The following SH3PXD2A variants were observed in gnomAD, a reference collection of about 807,000 sequenced individuals.
SH3PXD2A encodes SH3 and PX domain-containing protein 2A.
A neutral mutation model predicts 115.2 loss-of-function variants in SH3PXD2A; 32 were observed. The observed-to-expected ratio is 0.28, with a 90% confidence interval of 0.21 to 0.37. SH3PXD2A has a LOEUF of 0.37. Ranked by LOEUF, SH3PXD2A falls within the 10% of genes least tolerant of loss-of-function variation. The pLI is 1.00. For missense variants in SH3PXD2A, 1,328 were observed against 1,498.7 expected, an observed-to-expected ratio of 0.89 and a Z score of 1.88; for synonymous variants, 610 against 629.1, an observed-to-expected ratio of 0.97 and a Z score of 0.45.
chr10:103,687,772 G>T (rs565125576), intron 6 of SH3PXD2A, among the ~76,000 whole-genome samples: 61 of 152,288 alleles, frequency 4.0e-4, no homozygotes, highest in Non-Finnish European at 7.4e-4. Context: ...CCTACATGGT[G>T]CTGCTTCACC....
intron 1 of SH3PXD2A, among the ~76,000 whole-genome samples, chr10:103,828,259 A>G (rs2039450180): frequency 6.6e-6 from 1 of 152,178 alleles, no homozygotes; most frequent in African/African-American, 2.4e-5. Flanking sequence ...TGAAGGAACA[A>G]GAGTCCATTC....
chr10:103,632,297 A>G (rs1045323715), intron 8 of SH3PXD2A, among the ~76,000 whole-genome samples: 1 of 152,214 alleles, frequency 6.6e-6, no homozygotes, highest in Non-Finnish European at 1.5e-5. Context: ...TGGAAGCCCC[A>G]CGGGGCTCAC....
intron 5 of SH3PXD2A, among the ~76,000 whole-genome samples, chr10:103,721,481 A>G (rs963999240): frequency 1.2e-4 from 19 of 152,212 alleles, no homozygotes; most frequent in Admixed American, 3.9e-4. Flanking sequence ...CCATGAATGA[A>G]GTGAGGCCGA....
intron 1 of SH3PXD2A, among the ~76,000 whole-genome samples, chr10:103,845,424 T>G (rs1435637063): frequency 1.3e-5 from 2 of 150,958 alleles, no homozygotes; most frequent in Non-Finnish European, 2.9e-5. Flanking sequence ...AAAACCAAGA[T>G]GGCAACGAGA....
intron 13 of SH3PXD2A, chr10:103,609,388 C>G (rs1189761494): frequency 3.9e-5 from 6 of 152,198 alleles, no homozygotes; most frequent in African/African-American, 1.4e-4. Flanking sequence ...TTTGGCTGGT[C>G]ATCATGACAA....
At chr10:103,836,255 G>A (rs995563123) in intron 1 of SH3PXD2A, among the ~76,000 whole-genome samples, 2 of 152,010 alleles carry the variant, frequency 1.3e-5, no homozygotes, top group Non-Finnish European at 2.9e-5. Flanking sequence ...ATCATAGGGG[G>A]CTCTCAAGGA....
At chr10:103,616,618 C>T (rs1430329547) in intron 11 of SH3PXD2A, among the ~76,000 whole-genome samples, 1 of 152,238 alleles carries the variant, frequency 6.6e-6, no homozygotes, top group Non-Finnish European at 1.5e-5. Flanking sequence ...AAGAAGCCTC[C>T]GATGGCCTGA....
At position 103,690,280 on chromosome 10, in the gene SH3PXD2A, C is replaced by T. The variant is rs150538111; in HGVS notation, c.427+2748G>A. ...GCAGGCAGTGTTCTAAACATGCTTA[C>T]ATATATTAGTTTATCTAATCTTCGT... On this transcript the variant is annotated intron_variant, in intron 6 of 14. Coordinates refer to ENST00000369774, the MANE Select transcript of SH3PXD2A (RefSeq NM_001394015.1). 2.6e-5 allele frequency among the ~76,000 whole-genome samples: 4 copies of T among 152,310 alleles called. No individual in the cohort carries two copies. The East Asian group carries it at 7.7e-4, about 29-fold the overall frequency.
At chr10:103,693,107 CG>C in intron 5 of SH3PXD2A, 51 bp from the exon 6 acceptor site, 1 of 1,571,248 alleles carries the variant, frequency 6.4e-7, no homozygotes, top group East Asian at 2.3e-5. Flanking sequence ...GGCGCGAGCG[CG>C]GGGCTGCAGC....
intron 8 of SH3PXD2A, among the ~76,000 whole-genome samples, chr10:103,651,436 C>T (rs2037120744): frequency 6.6e-6 from 1 of 152,250 alleles, no homozygotes; most frequent in Admixed American, 6.5e-5. Context: ...CTGACCGCTG[C>T]TTTCCTGTGC....
In SH3PXD2A at chr10:103,620,558, T is replaced by C. The variant is rs1057262468; in HGVS notation, c.802+1912A>G. On this transcript the variant is annotated intron_variant, in intron 10 of 14. Transcript: ENST00000369774. The surrounding 1 kb of genome is among the most constrained non-coding windows in gnomAD (Gnocchi z 5.3). The stretch of plus-strand genomic sequence containing the variant: ...GTGGGGAAGCTCCGCTTTTCTCTTG[T>C]CTAGCTCCTCCACAACCTGCAGCCT... 4.6e-5 allele frequency among the ~76,000 whole-genome samples: 7 copies of C among 152,184 alleles called. No homozygotes were observed. Among genetic ancestry groups the C allele is most frequent in the African/African-American group, 1.7e-4 (7 of 41,448 alleles).
intron 5 of SH3PXD2A, among the ~76,000 whole-genome samples, chr10:103,715,775 G>A (rs973841594): frequency 6.6e-6 from 1 of 152,222 alleles, no homozygotes; most frequent in African/African-American, 2.4e-5. Flanking sequence ...ATTCGACTGG[G>A]ATTGGGGATG....
intron 2 of SH3PXD2A, among the ~76,000 whole-genome samples, chr10:103,791,667 C>T (rs185614618): frequency 2.1e-3 from 326 of 152,040 alleles, no homozygotes; most frequent in Admixed American, 4.5e-3. Flanking sequence ...ACCTTCCTTC[C>T]GTACCTCTCT....
At chr10:103,669,549 C>G (rs143838229) in intron 6 of SH3PXD2A, among the ~76,000 whole-genome samples, 3 of 152,260 alleles carry the variant, frequency 2.0e-5, no homozygotes, top group East Asian at 3.8e-4. Context: ...TTGATGCAGT[C>G]GAACTACAGT....
rs1290451671 is a variant in SH3PXD2A at position 103,617,238 on chromosome 10, C to CA, written c.878dup (p.Glu294GlyfsTer33). The CA allele has an allele frequency of 6.2e-7, 1 of 1,614,192 alleles. No individual in the cohort carries two copies. ...CTTCCAGATTCTTCCGGATCACCTC[C>CA]ACTGTGACGCCCTTCTCAAAGCCAA... On this transcript the variant is annotated frameshift_variant, in exon 11 of 15. Coordinates refer to ENST00000369774, the MANE Select transcript of SH3PXD2A (RefSeq NM_001394015.1). LOFTEE classifies it high-confidence loss of function.
rs2039355196 is a variant in SH3PXD2A at position 103,819,379 on chromosome 10, G to C, written c.73-18017C>G. ...TGAAGAGGTGAGGGTTGTGGTGGTG[G>C]AAGGGTACCCTAGGCAAAAGAAACA... On this transcript the variant is annotated intron_variant, in intron 1 of 14. Coordinates refer to ENST00000369774, the MANE Select transcript of SH3PXD2A (RefSeq NM_001394015.1). 3.3e-5 allele frequency among the ~76,000 whole-genome samples: 5 copies of C among 152,168 alleles called. No homozygotes were observed. In the South Asian group the frequency reaches 1.0e-3, roughly 31 times the overall value.
At chr10:103,717,995 G>A (rs1265640080) in intron 5 of SH3PXD2A, among the ~76,000 whole-genome samples, 6 of 138,822 alleles carry the variant, frequency 4.3e-5, no homozygotes, top group Admixed American at 3.8e-4. Context: ...CTCTTGGTGT[G>A]GCTTCCATGT....
At chr10:103,689,705 G>A (rs2037723130) in intron 6 of SH3PXD2A, among the ~76,000 whole-genome samples, 1 of 152,120 alleles carries the variant, frequency 6.6e-6, no homozygotes. Flanking sequence ...CTAGATGTTG[G>A]GCTTGAGCAA....
intron 13 of SH3PXD2A, among the ~76,000 whole-genome samples, chr10:103,608,056 T>C (rs2036353984): frequency 6.7e-6 from 1 of 148,580 alleles, no homozygotes; most frequent in Non-Finnish European, 1.5e-5. Flanking sequence ...CCAGAGACCT[T>C]TGTTCACTTG....
Sources: allele counts gnomAD v4.1 joint callset (sites outside exome capture counted in the v4.1 genomes callset), GRCh38; gene constraint gnomAD v4.1.1; non-coding constraint Gnocchi (gnomAD v3.1); transcripts MANE v1.5; gene names NCBI Gene and HGNC (gene_info 2026-07-23, HGNC 2026-07-21).